Variants in DENND2B observed in about 807,000 individuals in gnomAD.
DENND2B encodes the protein DENN domain containing 2B, also known as DENN domain-containing protein 2B.
In DENND2B, 32 loss-of-function variants were observed where a neutral mutation model predicts 116.0. The observed-to-expected ratio is 0.28, with a 90% CI of 0.21 to 0.37. The LOEUF is 0.37. Ranked by LOEUF, DENND2B falls within the 10% of genes least tolerant of loss-of-function variation. The pLI, the probability that DENND2B is intolerant of heterozygous loss-of-function variation, is 1.00. For synonymous variants in DENND2B, 588 were observed against 583.9 expected, an observed-to-expected ratio of 1.01 and a Z score of -0.10; for missense variants, 1,276 against 1,477.7, an observed-to-expected ratio of 0.86 and a Z score of 2.24.
chr11:8,841,959 A>G lies in DENND2B; in HGVS notation c.-155-2609T>C, dbSNP rs76205224. On this transcript the variant is annotated intron_variant, in intron 3 of 6. Coordinates refer to the DENND2B transcript ENST00000524757. ...TGAGTTCCCCAGTTCAATCCAGAGT[A>G]TCCCCCATTCTCCACGATTTCAGCA... is the stretch of plus-strand genomic sequence containing the variant. 9.2e-4 allele frequency among the ~76,000 whole-genome samples: 140 copies of G among 152,326 alleles called. 2 individuals carry two copies. The East Asian group carries it at 0.026, about 29-fold the overall frequency.
intron 1 of DENND2B, chr11:8,776,475 G>A (rs546780864): frequency 4.0e-4 from 137 of 345,036 alleles, no homozygotes; most frequent in South Asian, 3.5e-4. Context: ...GCTCCTGACC[G>A]GTGGGAGGGG....
chr11:8,715,525 G>C (rs1390289264), intron 6 of DENND2B, 78 bp downstream of exon 6: 1 of 1,468,360 alleles, frequency 6.8e-7, no homozygotes, highest in Admixed American at 1.7e-5. Context: ...AAGGAAGGAA[G>C]CCAGGAAAGA....
At chr11:8,828,953 GGGGTGTGTGTGT>G (rs932332737) in intron 4 of DENND2B, among the ~76,000 whole-genome samples, 7 of 151,274 alleles carry the variant, frequency 4.6e-5, no homozygotes, top group South Asian at 4.2e-4. Flanking sequence ...GTGTGTGTGT[GGGGTGTGTGTGT>G]GGGTGTGTGT....
chr11:8,831,166 A>C (rs1041547414), intron 4 of DENND2B, among the ~76,000 whole-genome samples: 7 of 152,190 alleles, frequency 4.6e-5, no homozygotes, highest in African/African-American at 1.7e-4. Flanking sequence ...GCCCATTCTT[A>C]GACTCAGAGC....
chr11:8,820,301 G>C (rs556740894), intron 4 of DENND2B, among the ~76,000 whole-genome samples: 1 of 152,202 alleles, frequency 6.6e-6, no homozygotes, highest in South Asian at 2.1e-4. Flanking sequence ...AATAACCTAT[G>C]CTAAACAAAG....
At chr11:8,889,360 C>G (rs536421052) in intron 1 of DENND2B, among the ~76,000 whole-genome samples, 1 of 152,182 alleles carries the variant, frequency 6.6e-6, no homozygotes, top group Non-Finnish European at 1.5e-5. Context: ...ACTGAGGTAC[C>G]GGGTTCATCT....
intron 14 of DENND2B, among the ~76,000 whole-genome samples, chr11:8,699,630 C>T (rs912214161): frequency 2.6e-5 from 4 of 152,074 alleles, no homozygotes; most frequent in Admixed American, 6.5e-5. Context: ...TGCAGCAACC[C>T]GCAGGACAGT....
At chr11:8,833,689 G>C (rs747064121) in intron 4 of DENND2B, among the ~76,000 whole-genome samples, 10 of 152,122 alleles carry the variant, frequency 6.6e-5, no homozygotes, top group Non-Finnish European at 8.8e-5. Context: ...ATAGGATTAA[G>C]GGTGGCTCTG....
At chr11:8,910,946 A>ACCCCCGAC (rs1555224315) in exon 1 of DENND2B, 1 of 16,962 alleles carries the variant, frequency 5.9e-5, no homozygotes, top group Admixed American at 6.2e-4. Flanking sequence ...CCGACCCCCG[A>ACCCCCGAC]CCCCCGGCCC....
chr11:8,820,949 C>T (rs1426213861), intron 4 of DENND2B, among the ~76,000 whole-genome samples: 2 of 151,436 alleles, frequency 1.3e-5, no homozygotes, highest in Non-Finnish European at 2.9e-5. Context: ...CGGTGAAACC[C>T]CATCTATACC....
chr11:8,782,447 A>T (rs1160244996), intron 1 of DENND2B, among the ~76,000 whole-genome samples: 1 of 152,206 alleles, frequency 6.6e-6, no homozygotes, highest in African/African-American at 2.4e-5. Context: ...AAGCATGAGT[A>T]CATATTTGTC....
intron 13 of DENND2B, chr11:8,703,011 G>A: frequency 2.4e-6 from 1 of 413,950 alleles, no homozygotes; most frequent in East Asian, 4.6e-5. Flanking sequence ...AGAGAGGAGA[G>A]CTGACTGCTC....
chr11:8,714,146 C>G lies in DENND2B; in HGVS notation c.1943-104G>C, dbSNP rs569252506. On this transcript the variant is annotated intron_variant, in intron 7 of 19. Coordinates refer to ENST00000313726, the MANE Select transcript of DENND2B (RefSeq NM_213618.2). ...CTCACAGGGGATGGATCTCTACCTTCTCTGGGCTACTCTGGGCCCATGGTC... is the reference window on the plus strand; with the variant it reads ...CTCACAGGGGATGGATCTCTACCTTGTCTGGGCTACTCTGGGCCCATGGTC... 1.0e-4 allele frequency: 110 copies of G among 1,105,334 alleles called. No homozygotes were observed. In the East Asian group the frequency reaches 2.5e-3, roughly 26 times the overall value. 68.5% of individuals were successfully genotyped at this position (1,105,334 alleles called of 1,614,324 possible). A position where few individuals can be genotyped will look rare whatever the true frequency, so the allele number is the denominator to read the frequency against.
intron 2 of DENND2B, among the ~76,000 whole-genome samples, chr11:8,733,972 T>C (rs2048531383): frequency 1.3e-5 from 2 of 152,206 alleles, no homozygotes; most frequent in Admixed American, 1.3e-4. Flanking sequence ...CTTCACGTGC[T>C]ACCCTTGCCC....
At chr11:8,882,004 T>C (rs1270033614) in intron 1 of DENND2B, among the ~76,000 whole-genome samples, 1 of 152,096 alleles carries the variant, frequency 6.6e-6, no homozygotes, top group African/African-American at 2.4e-5. Context: ...AATTGGATTT[T>C]TTTTTCTTGG....
chr11:8,805,671 C>T (rs1343674929), intron 1 of DENND2B, among the ~76,000 whole-genome samples: 1 of 152,170 alleles, frequency 6.6e-6, no homozygotes, highest in Non-Finnish European at 1.5e-5. Flanking sequence ...TGGTCATTAA[C>T]CCTACCATCA....
At chr11:8,802,472 T>A (rs575434721) in intron 1 of DENND2B, among the ~76,000 whole-genome samples, 1 of 152,302 alleles carries the variant, frequency 6.6e-6, no homozygotes, top group East Asian at 1.9e-4. Context: ...TGCCTCAATT[T>A]TACGGAAGAG....
At chr11:8,713,339 G>A (rs2044114324) in intron 8 of DENND2B, among the ~76,000 whole-genome samples, 1 of 152,080 alleles carries the variant, frequency 6.6e-6, no homozygotes, top group Non-Finnish European at 1.5e-5. Flanking sequence ...CTTGCCAGAA[G>A]AGGTCCTTGT....
chr11:8,882,149 C>T (rs2063910290), intron 1 of DENND2B, among the ~76,000 whole-genome samples: 1 of 152,174 alleles, frequency 6.6e-6, no homozygotes, highest in Admixed American at 6.5e-5. Flanking sequence ...TTCCAACTAC[C>T]TTGTGGATAT....
Sources: allele counts gnomAD v4.1 joint callset (sites outside exome capture counted in the v4.1 genomes callset), GRCh38; gene constraint gnomAD v4.1.1; transcripts MANE v1.5; gene names NCBI Gene and HGNC (gene_info 2026-07-23, HGNC 2026-07-21).